TMPRSS4: variants seen among roughly 807,000 people sequenced by gnomAD.
The protein encoded by TMPRSS4 is transmembrane serine protease 4.
Under a neutral mutation model 56.4 loss-of-function variants are expected in TMPRSS4, and 45 were observed. That is an observed-to-expected ratio of 0.80 (90% CI 0.63 to 1.02). The LOEUF is 1.02. TMPRSS4 is among the 50% of genes least tolerant of loss of function. The pLI, the probability that TMPRSS4 is intolerant of heterozygous loss-of-function variation, is 0.00. For missense variants in TMPRSS4, 546 were observed against 556.7 expected (o/e 0.98, Z 0.19); for synonymous variants, 205 against 211.0 (o/e 0.97, Z 0.25).
chr11:118,103,051 T>C, intron 3 of TMPRSS4, 50 bp from the exon 4 acceptor site: 1 of 1,605,194 alleles, frequency 6.2e-7, no homozygotes, highest in South Asian at 1.1e-5. Context: ...GTCTCCCTGC[T>C]CAAGCCTGAC....
chr11:118,093,088 T>C (rs749515199), intron 1 of TMPRSS4, among the ~76,000 whole-genome samples: 4 of 152,148 alleles, frequency 2.6e-5, no homozygotes, highest in Non-Finnish European at 5.9e-5. Flanking sequence ...GTGTGCTACA[T>C]CACAAGGCCA....
Position 118,107,820 on chromosome 11 carries a change from G to A in TMPRSS4, c.487G>A (p.Asp163Asn), listed in dbSNP as rs1161360222. 6.2e-7 allele frequency: 1 copy of A among 1,614,026 alleles called. No homozygotes were observed. Among genetic ancestry groups the A allele is most frequent in the East Asian group, 2.2e-5 (1 of 44,892 alleles). ...GGAGATTGGCCCAGACCAGGATCTG[G>A]ATGTTGTTGAAATCACAGAAAACAG... is the stretch of plus-strand genomic sequence containing the variant. The part of the protein sequence containing the change: ...AVEIGPDQDL[D>N]VVEITENSQE... The change falls in exon 6 of 13, where the codon GAT (aspartate) becomes AAT (asparagine). Residue 163 changes from aspartate to asparagine, a missense_variant. Coordinates refer to ENST00000437212, the MANE Select transcript of TMPRSS4 (RefSeq NM_019894.4).
At position 118,094,839 on chromosome 11, in the gene TMPRSS4, A is replaced by G. The variant is rs759101181; in HGVS notation, c.27A>G (p.Gln9=). 1.9e-5 allele frequency: 31 copies of G among 1,612,298 alleles called. No homozygotes were observed. The highest frequency in any genetic ancestry group is 2.4e-5 in the Non-Finnish European group (28 of 1,179,376). Residue 9 remains glutamine (Q), a synonymous_variant, in exon 2 of 13, where the codon CAA becomes CAG. Transcript: ENST00000437212. MLQDPDSD[Q]PLNSLDVKPL... ...AATTACAGGATCCTGACAGTGATCAACCTCTGAACAGCCTCGGTAAGTTCA... is the reference window on the plus strand; with the variant it reads ...AATTACAGGATCCTGACAGTGATCAGCCTCTGAACAGCCTCGGTAAGTTCA...
intron 1 of TMPRSS4, among the ~76,000 whole-genome samples, chr11:118,077,971 C>T (rs1237455247): frequency 7.7e-6 from 1 of 130,470 alleles, no homozygotes. Context: ...CAAGATTGTG[C>T]CATTGCACTC....
At chr11:118,081,601 C>T (rs1044228459) in intron 1 of TMPRSS4, among the ~76,000 whole-genome samples, 3 of 152,228 alleles carry the variant, frequency 2.0e-5, no homozygotes, top group Admixed American at 1.3e-4. Flanking sequence ...CCTGTCCAGG[C>T]GTGCGCACCT....
At chr11:118,102,688 G>T (rs1225554133) in intron 3 of TMPRSS4, among the ~76,000 whole-genome samples, 1 of 152,166 alleles carries the variant, frequency 6.6e-6, no homozygotes, top group Non-Finnish European at 1.5e-5. Context: ...CAGCCTGGAT[G>T]ACAGAGTGAG....
In TMPRSS4 at chr11:118,108,916, G is replaced by C. The variant is rs761282666; in HGVS notation, c.583+20G>C. On this transcript the variant is annotated intron_variant, in intron 7 of 12. Coordinates refer to ENST00000437212, the MANE Select transcript of TMPRSS4 (RefSeq NM_019894.4). ...GTCTTGGTGAGTACCCCCAATCTCT[G>C]AGGGTTTGGGGCCTGGGCCAGCAAT... The C allele has an allele frequency of 1.2e-6, 2 of 1,613,306 alleles. No homozygotes were observed. The highest frequency in any genetic ancestry group is 1.7e-5 in the Admixed American group (1 of 59,926).
intron 5 of TMPRSS4, among the ~76,000 whole-genome samples, chr11:118,105,154 T>C (rs11216758): frequency 0.056 from 8,447 of 152,180 alleles, 587 homozygotes; most frequent in African/African-American, 0.16. Flanking sequence ...CTTCACTCCT[T>C]TGTGCTGGCT....
At chr11:118,085,764 C>G (rs1349350292) in intron 1 of TMPRSS4, among the ~76,000 whole-genome samples, 1 of 152,122 alleles carries the variant, frequency 6.6e-6, no homozygotes, top group South Asian at 2.1e-4. Flanking sequence ...CTGGCCCTCT[C>G]GAGTCCCCTC....
At chr11:118,102,648 A>C (rs1028794636) in intron 3 of TMPRSS4, among the ~76,000 whole-genome samples, 1 of 152,172 alleles carries the variant, frequency 6.6e-6, no homozygotes, top group African/African-American at 2.4e-5. Context: ...GGCAGAGGCT[A>C]CAGTGAGCCA....
chr11:118,113,145 C>T, intron 8 of TMPRSS4, 124 bp from the exon 9 acceptor site: 1 of 938,420 alleles, frequency 1.1e-6, no homozygotes, highest in Non-Finnish European at 1.6e-6. Context: ...CCTGCCTCAC[C>T]ATCATCTTTC....
In TMPRSS4 at chr11:118,118,478, A is replaced by T; in HGVS notation, c.*565A>T. On this transcript the variant is annotated 3_prime_UTR_variant, in exon 13 of 13. Coordinates refer to ENST00000437212, the MANE Select transcript of TMPRSS4 (RefSeq NM_019894.4). ...TGGCATAGGCTAGCTGGAATGCTTG[A>T]TAAGAACTGAGCTGGGATGATTGAA... 2 of 986,122 alleles carry T rather than the reference A, an allele frequency of 2.0e-6. No individual in the cohort carries two copies. Among genetic ancestry groups the T allele is most frequent in the Non-Finnish European group, 2.4e-6 (2 of 830,446 alleles). The allele number at this position is 986,122 out of a possible 1,614,324, so 61.1% of individuals were successfully genotyped here.
chr11:118,123,930 T>C (rs1389429530), downstream of TMPRSS4, among the ~76,000 whole-genome samples: 1 of 152,060 alleles, frequency 6.6e-6, no homozygotes, highest in East Asian at 1.9e-4. Context: ...GGCAAAGGGG[T>C]AATTGGGAAA....
chr11:118,108,720 ATGTTCCCCAC>A, intron 6 of TMPRSS4, 126 bp from the exon 7 acceptor site: 4 of 782,676 alleles, frequency 5.1e-6, no homozygotes, highest in Non-Finnish European at 8.4e-6. Context: ...CAGTCTCCAA[ATGTTCCCCAC>A]TGTGCAGCTT....
In TMPRSS4 at chr11:118,118,157, G is replaced by A. The variant is rs1947662623; in HGVS notation, c.*244G>A. 7.1e-7 allele frequency: 1 copy of A among 1,416,494 alleles called. No homozygotes were observed. Among genetic ancestry groups the A allele is most frequent in the Middle Eastern group, 2.6e-4 (1 of 3,818 alleles). 87.7% of individuals were successfully genotyped at this position (1,416,494 alleles called of 1,614,324 possible). A position where few individuals can be genotyped will look rare whatever the true frequency, so the allele number is the denominator to read the frequency against. ...TGGTGCTCCCAGCATCCCAGGGAGA[G>A]ACACAGCCCACTGAACAAGGTCTCA... On this transcript the variant is annotated 3_prime_UTR_variant, in exon 13 of 13. Coordinates refer to ENST00000437212, the MANE Select transcript of TMPRSS4 (RefSeq NM_019894.4).
chr11:118,112,025 T>C, intron 8 of TMPRSS4, 125 bp downstream of exon 8: 1 of 1,362,462 alleles, frequency 7.3e-7, no homozygotes. Context: ...TTCCAGGTTG[T>C]GGTGGCCCCA....
intron 1 of TMPRSS4, among the ~76,000 whole-genome samples, chr11:118,079,720 C>T (rs1219895638): frequency 7.7e-6 from 1 of 129,796 alleles, no homozygotes; most frequent in East Asian, 2.0e-4. Flanking sequence ...GGTACAGAGT[C>T]AAGGGGCTTG....
Position 118,077,409 on chromosome 11 carries a change from C to T in TMPRSS4, c.3+104C>T, listed in dbSNP as rs146088035. On this transcript the variant is annotated intron_variant, in intron 1 of 12. Transcript: ENST00000437212. ...TCCATCAGCTGAGAATTCTGTGACA[C>T]CTTCTAGGTTAAAAAAAGAGGCCAC... 5.4e-4 allele frequency: 730 copies of T among 1,363,708 alleles called. 3 individuals carry two copies. In the African/African-American group the frequency reaches 0.01, roughly 19 times the overall value. 84.5% of individuals were successfully genotyped at this position (1,363,708 alleles called of 1,614,324 possible). A position where few individuals can be genotyped will look rare whatever the true frequency, so the allele number is the denominator to read the frequency against.
chr11:118,085,368 C>T (rs1416921986), intron 1 of TMPRSS4, among the ~76,000 whole-genome samples: 1 of 151,966 alleles, frequency 6.6e-6, no homozygotes, highest in Non-Finnish European at 1.5e-5. Context: ...GGATTACAGG[C>T]ACCTGCCACC....
Sources: gnomAD v4.1 joint callset for allele counts (sites outside exome capture counted in the v4.1 genomes callset) on GRCh38, gnomAD v4.1.1 for gene constraint, MANE v1.5 for transcripts, NCBI Gene and HGNC (gene_info 2026-07-23, HGNC 2026-07-21) for gene names.